Variants in SLC24A3 observed in about 807,000 individuals in gnomAD.
SLC24A3 encodes solute carrier family 24 member 3.
A neutral mutation model predicts 75.8 loss-of-function variants in SLC24A3; 28 were observed. That is an observed-to-expected ratio of 0.37 (90% CI 0.27 to 0.51). SLC24A3 has a LOEUF of 0.51. Among genes scored for constraint, SLC24A3 ranks in the 20% least tolerant of loss-of-function variants. SLC24A3 has a pLI of 0.94. For synonymous variants in SLC24A3, 372 were observed against 334.1 expected (o/e 1.11, Z -1.24); for missense variants, 663 against 847.8 (o/e 0.78, Z 2.71).
At chr20:19,498,702 C>T (rs1417506464) in intron 2 of SLC24A3, among the ~76,000 whole-genome samples, 1 of 152,090 alleles carries the variant, frequency 6.6e-6, no homozygotes, top group Non-Finnish European at 1.5e-5. Flanking sequence ...CCCAAAAGAC[C>T]ACAGCAAGAA....
intron 3 of SLC24A3, among the ~76,000 whole-genome samples, chr20:19,564,585 C>T (rs1369450997): frequency 2.6e-5 from 4 of 152,148 alleles, no homozygotes; most frequent in African/African-American, 9.7e-5. Flanking sequence ...GATTCCTGTT[C>T]AAGACAGATA....
chr20:19,320,329 A>T (rs1156292394), intron 2 of SLC24A3, among the ~76,000 whole-genome samples: 2 of 152,096 alleles, frequency 1.3e-5, no homozygotes, highest in Non-Finnish European at 2.9e-5. Context: ...CCTGAGTGGA[A>T]CTTAAAAGAT....
intron 3 of SLC24A3, among the ~76,000 whole-genome samples, chr20:19,528,331 G>A (rs1404811303): frequency 2.0e-5 from 3 of 152,116 alleles, no homozygotes; most frequent in Non-Finnish European, 2.9e-5. Context: ...CCATAAGCTA[G>A]GGACACAGGT....
chr20:19,496,700 A>C (rs899072615), intron 2 of SLC24A3, among the ~76,000 whole-genome samples: 1 of 152,150 alleles, frequency 6.6e-6, no homozygotes, highest in African/African-American at 2.4e-5. Flanking sequence ...TAGGAGGTCA[A>C]GAAGGGCACG....
At chr20:19,515,638 G>T in intron 3 of SLC24A3, 74 bp downstream of exon 3, 1 of 1,465,514 alleles carries the variant, frequency 6.8e-7, no homozygotes. Flanking sequence ...GGCACCTGAG[G>T]TGCCCCCAGT....
chr20:19,472,880 G>A (rs1202368041), intron 2 of SLC24A3, among the ~76,000 whole-genome samples: 5 of 152,214 alleles, frequency 3.3e-5, no homozygotes, highest in African/African-American at 9.6e-5. Context: ...GTTCCCCTGC[G>A]GCTGCATACA....
At chr20:19,358,309 A>T (rs1193689386) in intron 2 of SLC24A3, among the ~76,000 whole-genome samples, 1 of 152,132 alleles carries the variant, frequency 6.6e-6, no homozygotes. Context: ...TGGACTCAAC[A>T]TCCACCCGCG....
intron 3 of SLC24A3, among the ~76,000 whole-genome samples, chr20:19,548,398 T>C (rs2030637323): frequency 6.6e-6 from 1 of 152,248 alleles, no homozygotes; most frequent in Non-Finnish European, 1.5e-5. Context: ...TGAGATGTTA[T>C]GTGACATTTG....
At chr20:19,598,902 A>G (rs1371840784) in intron 6 of SLC24A3, among the ~76,000 whole-genome samples, 2 of 122,316 alleles carry the variant, frequency 1.6e-5, no homozygotes, top group African/African-American at 6.8e-5. Context: ...ATATATATGT[A>G]TATACACACA....
At chr20:19,250,057 A>G (rs1232761535) in intron 1 of SLC24A3, among the ~76,000 whole-genome samples, 3 of 152,158 alleles carry the variant, frequency 2.0e-5, no homozygotes, top group Non-Finnish European at 4.4e-5. Context: ...TGTACAGAGG[A>G]GATGTGCAGG....
At chr20:19,628,424 T>C (rs1600309777) in intron 6 of SLC24A3, among the ~76,000 whole-genome samples, 1 of 151,882 alleles carries the variant, frequency 6.6e-6, no homozygotes, top group Non-Finnish European at 1.5e-5. Flanking sequence ...AGTTGACAGG[T>C]TACAGGACCC....
At chr20:19,410,856 C>T (rs1009158767) in intron 2 of SLC24A3, among the ~76,000 whole-genome samples, 1 of 152,222 alleles carries the variant, frequency 6.6e-6, no homozygotes, top group Non-Finnish European at 1.5e-5. Context: ...AAGGCACCAT[C>T]TTTAAAATAA....
chr20:19,219,148 G>T (rs1185660660), intron 1 of SLC24A3, among the ~76,000 whole-genome samples: 1 of 152,164 alleles, frequency 6.6e-6, no homozygotes, highest in Non-Finnish European at 1.5e-5. Flanking sequence ...AAGTGGTGAT[G>T]GGCTTCAGGT....
chr20:19,285,704 C>CA (rs1983799074), intron 2 of SLC24A3, among the ~76,000 whole-genome samples: 1 of 107,576 alleles, frequency 9.3e-6, no homozygotes, highest in South Asian at 2.7e-4. Context: ...AGCCTGGAAA[C>CA]ATTTTTTTTT....
At chr20:19,683,396 C>T (rs1230851522) in intron 10 of SLC24A3, among the ~76,000 whole-genome samples, 4 of 152,198 alleles carry the variant, frequency 2.6e-5, no homozygotes, top group Non-Finnish European at 2.9e-5. Context: ...ATATACAGCT[C>T]ATTCATAGAG....
chr20:19,331,479 A>G (rs989178087), intron 2 of SLC24A3, among the ~76,000 whole-genome samples: 1 of 152,228 alleles, frequency 6.6e-6, no homozygotes, highest in Non-Finnish European at 1.5e-5. Context: ...AGATAGAGAT[A>G]GAAATGATAT....
chr20:19,450,871 C>T (rs950728155), intron 2 of SLC24A3, among the ~76,000 whole-genome samples: 2 of 152,104 alleles, frequency 1.3e-5, no homozygotes, highest in African/African-American at 2.4e-5. Context: ...CGTTGGCTCA[C>T]ACCTGTAGCC....
intron 2 of SLC24A3, among the ~76,000 whole-genome samples, chr20:19,445,274 G>T (rs1270584313): frequency 6.6e-6 from 1 of 152,106 alleles, no homozygotes. Flanking sequence ...CTACTGATTT[G>T]GGTTACAACC....
chr20:19,233,504 G>C (rs999063757), intron 1 of SLC24A3, among the ~76,000 whole-genome samples: 1 of 152,232 alleles, frequency 6.6e-6, no homozygotes, highest in African/African-American at 2.4e-5. Context: ...GGAAAGTAGA[G>C]TAGGAAGGAG....
Sources: gnomAD v4.1 joint callset for allele counts (sites outside exome capture counted in the v4.1 genomes callset) on GRCh38, gnomAD v4.1.1 for gene constraint, MANE v1.5 for transcripts, NCBI Gene and HGNC (gene_info 2026-07-23, HGNC 2026-07-21) for gene names.